The following SPTBN2 variants were observed in gnomAD, a reference collection of about 807,000 sequenced individuals.
SPTBN2 encodes the protein spectrin beta chain, non-erythrocytic 2.
A neutral mutation model predicts 284.2 loss-of-function variants in SPTBN2; 107 were observed. That is an observed-to-expected ratio of 0.38 (90% CI 0.32 to 0.44). The LOEUF is 0.44. SPTBN2 is among the 20% of genes least tolerant of loss of function. The pLI, the probability that SPTBN2 is intolerant of heterozygous loss-of-function variation, is 1.00. For missense variants in SPTBN2, 2,569 were observed against 3,287.1 expected, an observed-to-expected ratio of 0.78 and a Z score of 5.34; for synonymous variants, 1,289 against 1,354.8, an observed-to-expected ratio of 0.95 and a Z score of 1.07.
chr11:66,702,708 A>G (rs1414864941), intron 15 of SPTBN2, among the ~76,000 whole-genome samples: 1 of 151,592 alleles, frequency 6.6e-6, no homozygotes, highest in Non-Finnish European at 1.5e-5. Context: ...GGAGGCTGAG[A>G]TGGGTGGATC....
In SPTBN2 at chr11:66,716,052, G is replaced by A. The variant is rs539063837; in HGVS notation, c.158-71C>T. 5 of 1,606,228 alleles carry A rather than the reference G, an allele frequency of 3.1e-6. No homozygotes were observed. In the African/African-American group the frequency reaches 6.7e-5, roughly 21 times the overall value. ...GCCTGCTTCTAAACACCAGTTGGCA[G>A]GGGTGGGGGATGGAGAAGCCTGAGA... On this transcript the variant is annotated intron_variant, in intron 3 of 37. Coordinates refer to ENST00000533211, the MANE Select transcript of SPTBN2 (RefSeq NM_006946.4).
chr11:66,709,273 G>T (rs1941730308), intron 10 of SPTBN2, among the ~76,000 whole-genome samples: 1 of 152,154 alleles, frequency 6.6e-6, no homozygotes, highest in African/African-American at 2.4e-5. Context: ...TGCCTCCCGG[G>T]TTCAAGCCAA....
chr11:66,720,868 G>A (rs1432720324), intron 3 of SPTBN2, among the ~76,000 whole-genome samples: 1 of 152,096 alleles, frequency 6.6e-6, no homozygotes, highest in Admixed American at 6.5e-5. Context: ...GGCCAGTGAA[G>A]CGTCTCTATG....
chr11:66,705,044 G>A lies in SPTBN2; in HGVS notation c.2232C>T (p.Ala744=). Residue 744 remains alanine, a synonymous_variant, in exon 15 of 38, where the codon GCC becomes GCT. Transcript: ENST00000533211. ...GGAACTGGTAGAGGCTGGCGGCTTG[G>A]GCCAGCCGCTGGGCACGCTCCTCGG... is the stretch of plus-strand genomic sequence containing the variant. ...ALAEERAQRL[A]QAASLYQFQA... is the part of the protein sequence containing the mutation. The A allele has an allele frequency of 6.3e-7, 1 of 1,599,110 alleles. No homozygotes were observed. The highest frequency in any genetic ancestry group is 8.5e-7 in the Non-Finnish European group (1 of 1,179,142).
upstream of SPTBN2, among the ~76,000 whole-genome samples, chr11:66,733,073 G>A (rs1228414263): frequency 2.0e-5 from 3 of 151,970 alleles, no homozygotes; most frequent in African/African-American, 7.3e-5. Context: ...AGAGAATTGC[G>A]ACTGGGGAGA....
At chr11:66,721,479 C>A (rs1942400274) in intron 1 of SPTBN2, 39 bp from the exon 2 acceptor site, 1 of 580,840 alleles carries the variant, frequency 1.7e-6, no homozygotes, top group East Asian at 3.1e-5. Flanking sequence ...GAAAGTGAAG[C>A]AGGAAGGCAG....
At chr11:66,743,307 G>C (rs1293360734) in intron 1 of SPTBN2, among the ~76,000 whole-genome samples, 21 of 152,200 alleles carry the variant, frequency 1.4e-4, no homozygotes, top group Admixed American at 1.4e-3. Flanking sequence ...GCTGAGCATA[G>C]ACTCGAGAAG....
intron 1 of SPTBN2, among the ~76,000 whole-genome samples, chr11:66,737,556 T>C (rs986543222): frequency 1.3e-5 from 2 of 152,182 alleles, no homozygotes; most frequent in Admixed American, 6.5e-5. Context: ...GAGTAGACTT[T>C]AGCTTGATAT....
intron 36 of SPTBN2, chr11:66,686,789 C>T: frequency 1.4e-6 from 1 of 711,040 alleles, no homozygotes; most frequent in Non-Finnish European, 2.4e-6. Context: ...AGCCGTCAGG[C>T]CTGGGTCTTG....
At position 66,710,866 on chromosome 11, in the gene SPTBN2, C is replaced by T. The variant is rs780821768; in HGVS notation, c.885+51G>A. ...TGCCCTTGCACTAGGGCAGTAAGAC[C>T]CCTCAGCCGGGCCTCCTCTGGCCTT... On this transcript the variant is annotated intron_variant, in intron 9 of 37. Transcript: ENST00000533211. This position sits in a 1 kb window ranked among gnomAD's most constrained non-coding sequence, Gnocchi z 4.9. 1.2e-6 allele frequency: 2 copies of T among 1,610,768 alleles called. No homozygotes were observed. Among genetic ancestry groups the T allele is most frequent in the East Asian group, 2.2e-5 (1 of 44,852 alleles).
chr11:66,686,362 T>A, intron 37 of SPTBN2, 36 bp downstream of exon 37: 2 of 1,613,636 alleles, frequency 1.2e-6, no homozygotes, highest in Non-Finnish European at 1.7e-6. Context: ...GCTTCTGGAA[T>A]GGCACGGACA....
rs753716808 is a variant in SPTBN2, at chr11:66,700,580, G to A, written c.3519C>T (p.Gly1173=). ...GAGCATCCCGCAGGAATCCCTGGAAGCCGTGGGCCTGGGCCAGGCGACCTT... is the reference window on the plus strand; with the variant it reads ...GAGCATCCCGCAGGAATCCCTGGAAACCGTGGGCCTGGGCCAGGCGACCTT... ...SRQGRLAQAH[G]FQGFLRDARQ... The change falls in exon 17 of 38, where the codon GGC becomes GGT. Residue 1173 remains glycine (G), a synonymous_variant. Transcript: ENST00000533211. This position sits in a 1 kb window ranked among gnomAD's most constrained non-coding sequence, Gnocchi z 6.6. 4.4e-6 allele frequency: 7 copies of A among 1,607,752 alleles called. No individual in the cohort carries two copies. The highest frequency in any genetic ancestry group is 5.9e-6 in the Non-Finnish European group (7 of 1,180,004).
intron 37 of SPTBN2, 65 bp from the exon 38 acceptor site, chr11:66,686,169 C>G: frequency 6.6e-7 from 1 of 1,519,380 alleles, no homozygotes; most frequent in East Asian, 2.3e-5. Flanking sequence ...CAGTGGACAG[C>G]AGGGAAGTGT....
At position 66,710,882 on chromosome 11, in the gene SPTBN2, C is replaced by A. The variant is rs1220097560; in HGVS notation, c.885+35G>T. On this transcript the variant is annotated intron_variant, in intron 9 of 37. Transcript: ENST00000533211. The surrounding 1 kb of genome is among the most constrained non-coding windows in gnomAD (Gnocchi z 4.9). ...CAGTAAGACCCCTCAGCCGGGCCTC[C>A]TCTGGCCTTTATGCCTACTGCCCAT... 1.2e-6 allele frequency: 2 copies of A among 1,612,430 alleles called. No individual in the cohort carries two copies. The highest frequency in any genetic ancestry group is 3.3e-5 in the Admixed American group (2 of 60,030).
At position 66,693,690 on chromosome 11, in the gene SPTBN2, G is replaced by C. The variant is rs1940721168; in HGVS notation, c.4593+82C>G. 2.8e-6 allele frequency: 4 copies of C among 1,412,234 alleles called. No homozygotes were observed. The South Asian group carries it at 4.9e-5, about 17-fold the overall frequency. 87.5% of individuals were successfully genotyped at this position (1,412,234 alleles called of 1,614,324 possible). ...TCCAGGGTTACACTCAGCATCGAGG[G>C]GGGCCTGGTCTTAAGAAAAAACACG... is the stretch of plus-strand genomic sequence containing the variant. On this transcript the variant is annotated intron_variant, in intron 23 of 37. Transcript: ENST00000533211. The surrounding 1 kb of genome is among the most constrained non-coding windows in gnomAD (Gnocchi z 5.7).
chr11:66,713,322 G>C lies in SPTBN2; in HGVS notation c.772+309C>G, dbSNP rs74725921. Among the ~76,000 whole-genome samples the C allele has an allele frequency of 9.0e-4, 136 of 150,914 alleles. 4 individuals are homozygous for C. The East Asian group carries it at 0.026, about 28-fold the overall frequency. The stretch of plus-strand genomic sequence containing the variant: ...AGTGTAAAGATATATATTTTTTTTG[G>C]GGGGGAGGGGTAGTCATGGGGTCTC... On this transcript the variant is annotated intron_variant, in intron 8 of 37. Coordinates refer to ENST00000533211, the MANE Select transcript of SPTBN2 (RefSeq NM_006946.4).
intron 30 of SPTBN2, 123 bp from the exon 31 acceptor site, chr11:66,688,972 C>G (rs1940345090): frequency 2.0e-6 from 3 of 1,469,006 alleles, no homozygotes; most frequent in Non-Finnish European, 2.8e-6. Flanking sequence ...CTGTGCCAGG[C>G]AGCACGAAGA....
In SPTBN2 at chr11:66,693,159, T is replaced by TAC; in HGVS notation, c.4854+25_4854+26dup. 2.5e-6 allele frequency: 4 copies of TAC among 1,614,210 alleles called. No individual in the cohort carries two copies. The highest frequency in any genetic ancestry group is 3.4e-6 in the Non-Finnish European group (4 of 1,180,036). On this transcript the variant is annotated intron_variant, in intron 24 of 37. Transcript: ENST00000533211. The surrounding 1 kb of genome is among the most constrained non-coding windows in gnomAD (Gnocchi z 5.7). ...TCAGGGGAGGGCAGAACTGGTCACA[T>TAC]ACACTGGGCTCTGTCCTGGCCCTCA...
In SPTBN2 at chr11:66,710,687, T is replaced by C. The variant is rs190532690; in HGVS notation, c.968A>G (p.Gln323Arg). 9.2e-5 allele frequency: 149 copies of C among 1,614,186 alleles called. No individual in the cohort carries two copies. Among genetic ancestry groups the C allele is most frequent in the Admixed American group, 1.5e-4 (9 of 60,020 alleles). ...CCGGTCATTGAGGGTCACGATCGTT[T>C]GCTCGATCCACTGCAGCAGCTCCGA... Reference protein sequence around the residue: ...LASELLQWIEQTIVTLNDRQL... With the variant: ...LASELLQWIERTIVTLNDRQL... Residue 323 changes from glutamine (Q) to arginine (R), a missense_variant, in exon 10 of 38, where the codon CAA (glutamine) becomes CGA (arginine). By Grantham distance (43) the Gln-to-Arg change is conservative. Around this residue, in one of 6 missense-constraint regions of SPTBN2, gnomAD observed 304 missense variants for 522.1 expected, o/e 0.58. Transcript: ENST00000533211. The surrounding 1 kb of genome is among the most constrained non-coding windows in gnomAD (Gnocchi z 4.9).
Sources: allele counts gnomAD v4.1 joint callset (sites outside exome capture counted in the v4.1 genomes callset), GRCh38; gene constraint gnomAD v4.1.1; regional missense constraint gnomAD v4.1.1; non-coding constraint Gnocchi (gnomAD v3.1); transcripts MANE v1.5; gene names NCBI Gene and HGNC (gene_info 2026-07-23, HGNC 2026-07-21).